The following CBLB variants were observed in gnomAD, a reference collection of about 807,000 sequenced individuals.
CBLB encodes the protein Cbl proto-oncogene B.
CBLB carries 31 observed loss-of-function variants against 104.9 expected under a neutral mutation model. That is an observed-to-expected ratio of 0.30 (90% CI 0.22 to 0.40). The LOEUF is 0.40. Among genes scored for constraint, CBLB ranks in the 10% least tolerant of loss-of-function variants. The pLI, the probability that CBLB is intolerant of heterozygous loss-of-function variation, is 1.00. For missense variants in CBLB, 1,062 were observed against 1,214.6 expected (o/e 0.87, Z 1.87); for synonymous variants, 440 against 422.6 (o/e 1.04, Z -0.51).
chr3:105,744,532 G>A (rs2075918585), intron 6 of CBLB, among the ~76,000 whole-genome samples: 1 of 152,052 alleles, frequency 6.6e-6, no homozygotes. Context: ...GTATTCACTA[G>A]CTCCTTTTTC....
chr3:105,819,332 C>T (rs914770845), intron 3 of CBLB, among the ~76,000 whole-genome samples: 3 of 151,602 alleles, frequency 2.0e-5, no homozygotes, highest in Non-Finnish European at 2.9e-5. Context: ...AATAAAAATG[C>T]GAAAATTAGC....
At chr3:105,792,689 C>A (rs1195244495) in intron 3 of CBLB, among the ~76,000 whole-genome samples, 1 of 152,178 alleles carries the variant, frequency 6.6e-6, no homozygotes, top group African/African-American at 2.4e-5. Flanking sequence ...TCTTTCCTTG[C>A]TTCCTCCCAC....
Position 105,773,434 on chromosome 3 carries a change from G to A in CBLB, c.566+2962C>T, listed in dbSNP as rs1226280413. Among the ~76,000 whole-genome samples the A allele has an allele frequency of 2.6e-5, 4 of 152,202 alleles. No individual in the cohort carries two copies. In the South Asian group the frequency reaches 6.2e-4, roughly 24 times the overall value. On this transcript the variant is annotated intron_variant, in intron 4 of 18. Coordinates refer to ENST00000394030, the MANE Select transcript of CBLB (RefSeq NM_170662.5). ...GGATAAAAGACTACACTACATATTA[G>A]GTACAGTGTGCACTGCTCAGGTGAC... is the stretch of plus-strand genomic sequence containing the variant.
At chr3:105,752,573 G>A (rs921356093) in intron 4 of CBLB, among the ~76,000 whole-genome samples, 1 of 152,150 alleles carries the variant, frequency 6.6e-6, no homozygotes, top group Non-Finnish European at 1.5e-5. Flanking sequence ...CCTCTTATAA[G>A]ATAGCAAATA....
chr3:105,660,344 T>G (rs555744028), intron 18 of CBLB, among the ~76,000 whole-genome samples: 1 of 151,584 alleles, frequency 6.6e-6, no homozygotes, highest in African/African-American at 2.4e-5. Flanking sequence ...TGCACCACCA[T>G]GCCTGGCTAA....
At chr3:105,724,261 G>A (rs554723174) in intron 9 of CBLB, 2 of 159,296 alleles carry the variant, frequency 1.3e-5, no homozygotes, top group East Asian at 3.0e-4. Flanking sequence ...CAGAGCAGGA[G>A]AGATCTTTGG....
chr3:105,813,545 T>C (rs1292772802), intron 3 of CBLB, among the ~76,000 whole-genome samples: 2 of 152,102 alleles, frequency 1.3e-5, no homozygotes, highest in African/African-American at 4.8e-5. Flanking sequence ...TACCAACTAG[T>C]CTTTCAGTTG....
intron 3 of CBLB, among the ~76,000 whole-genome samples, chr3:105,843,962 G>A (rs922669533): frequency 1.3e-5 from 2 of 152,114 alleles, no homozygotes; most frequent in Admixed American, 1.3e-4. Context: ...AATCCTACCT[G>A]TCAATATGAC....
chr3:105,784,917 C>T (rs1344743439), intron 3 of CBLB, among the ~76,000 whole-genome samples: 1 of 152,218 alleles, frequency 6.6e-6, no homozygotes, highest in Non-Finnish European at 1.5e-5. Flanking sequence ...CATTCGTTCA[C>T]CCTACTCTGA....
At chr3:105,747,133 T>C (rs745370376) in intron 5 of CBLB, among the ~76,000 whole-genome samples, 2 of 152,218 alleles carry the variant, frequency 1.3e-5, no homozygotes, top group African/African-American at 4.8e-5. Flanking sequence ...CAGTCAGTGA[T>C]AGACAACTTT....
chr3:105,752,928 T>A (rs1026754368), intron 4 of CBLB, among the ~76,000 whole-genome samples: 1 of 152,186 alleles, frequency 6.6e-6, no homozygotes, highest in Non-Finnish European at 1.5e-5. Flanking sequence ...GCCTACTATA[T>A]CTATTCATTG....
chr3:105,714,049 T>C (rs1443412036), intron 10 of CBLB, among the ~76,000 whole-genome samples: 1 of 152,226 alleles, frequency 6.6e-6, no homozygotes, highest in Non-Finnish European at 1.5e-5. Context: ...TTTTTATTTT[T>C]GTATTTCACT....
At chr3:105,822,710 CT>C (rs1212280631) in intron 3 of CBLB, among the ~76,000 whole-genome samples, 6 of 152,286 alleles carry the variant, frequency 3.9e-5, no homozygotes, top group African/African-American at 1.4e-4. Flanking sequence ...ACTTTTCCAT[CT>C]TGTGTTTTCT....
At chr3:105,851,651 A>T (rs1007556118) in intron 3 of CBLB, among the ~76,000 whole-genome samples, 2 of 152,214 alleles carry the variant, frequency 1.3e-5, no homozygotes, top group African/African-American at 4.8e-5. Flanking sequence ...ATTTCTGAAT[A>T]ATTTTCCTGT....
Position 105,746,028 on chromosome 3 carries a change from G to A in CBLB, c.734C>T (p.Ser245Phe), listed in dbSNP as rs530657068. ...IFTRLFQPWG[S>F]ILRNWNFLAV... is the part of the protein sequence containing the mutation. Reference sequence around the variant, plus strand: ...TAAGAAATTCCAATTCCGCAAAATAGAGCCCCAAGGCTAAAAAATAAAAAA... The same window carrying A: ...TAAGAAATTCCAATTCCGCAAAATAAAGCCCCAAGGCTAAAAAATAAAAAA... The change falls in exon 6 of 19, where the codon TCT (serine) becomes TTT (phenylalanine). Residue 245 changes from serine to phenylalanine, a missense_variant. By Grantham distance (155) the Ser-to-Phe change is radical. Around this residue, in one of 2 missense-constraint regions of CBLB, gnomAD observed 457 missense variants for 632.0 expected, o/e 0.72. Transcript: ENST00000394030. 6.2e-7 allele frequency: 1 copy of A among 1,603,700 alleles called. No homozygotes were observed. Among genetic ancestry groups the A allele is most frequent in the Non-Finnish European group, 8.5e-7 (1 of 1,170,840 alleles).
chr3:105,756,423 G>A (rs1305768242), intron 4 of CBLB, among the ~76,000 whole-genome samples: 3 of 152,044 alleles, frequency 2.0e-5, no homozygotes, highest in African/African-American at 4.8e-5. Flanking sequence ...AACAATAGAT[G>A]AGCAAGGCAA....
At chr3:105,761,882 T>A (rs1389068104) in intron 4 of CBLB, among the ~76,000 whole-genome samples, 1 of 152,146 alleles carries the variant, frequency 6.6e-6, no homozygotes, top group African/African-American at 2.4e-5. Context: ...GTTGAATGGT[T>A]TTGACGAAAA....
At chr3:105,825,987 T>TA (rs1553840636) in intron 3 of CBLB, among the ~76,000 whole-genome samples, 1 of 151,808 alleles carries the variant, frequency 6.6e-6, no homozygotes, top group African/African-American at 2.4e-5. Context: ...ATTAGTAGAT[T>TA]AAATTCTTGA....
Position 105,702,476 on chromosome 3 carries a change from G to GAAAA in CBLB, c.1594-21_1594-18dup, listed in dbSNP as rs34208930. On this transcript the variant is annotated splice_polypyrimidine_tract_variant and intron_variant, in intron 11 of 18. Transcript: ENST00000394030. Reference sequence around the variant, plus strand: ...AGGAGAAGACTAAAGAAACAGAAGAGAAAAAAAAAAAAAAAAAAAAAAACT... The same window carrying GAAAA: ...AGGAGAAGACTAAAGAAACAGAAGAGAAAAAAAAAAAAAAAAAAAAAAAAAAACT... 0.024 allele frequency: 6,512 copies of GAAAA among 273,398 alleles called. 139 individuals are homozygous for GAAAA. Among genetic ancestry groups the GAAAA allele is most frequent in the South Asian group, 0.041 (871 of 21,354 alleles). 16.9% of individuals were successfully genotyped at this position (273,398 alleles called of 1,614,324 possible).
Sources: allele counts gnomAD v4.1 joint callset (sites outside exome capture counted in the v4.1 genomes callset), GRCh38; gene constraint gnomAD v4.1.1; regional missense constraint gnomAD v4.1.1; transcripts MANE v1.5; gene names NCBI Gene and HGNC (gene_info 2026-07-23, HGNC 2026-07-21).